The following DPY19L4 variants were observed in gnomAD, a reference collection of about 807,000 sequenced individuals.
The protein encoded by DPY19L4 is dpy-19 like 4.
In DPY19L4, 97 loss-of-function variants were observed where a neutral mutation model predicts 102.8. The observed-to-expected ratio is 0.94, with a 90% CI of 0.80 to 1.12. The LOEUF (loss-of-function observed/expected upper bound fraction) is 1.12, where lower values mean the gene tolerates loss of function less well. Ranked by LOEUF, DPY19L4 falls within the 50% of genes most tolerant of loss-of-function variation. The probability of loss-of-function intolerance (pLI) is 0.00; values close to 1 mark genes in which losing one functional copy is unlikely to be tolerated. For missense variants in DPY19L4, 815 were observed against 850.4 expected (o/e 0.96, Z 0.52); for synonymous variants, 252 against 283.1 (o/e 0.89, Z 1.10).
chr8:94,764,721 T>A (rs867039371), intron 8 of DPY19L4, among the ~76,000 whole-genome samples: 325 of 74,364 alleles, frequency 4.4e-3, no homozygotes, highest in African/African-American at 8.8e-3. Context: ...ATATATATTT[T>A]TTTTTTTTTT....
At chr8:94,789,689 C>T in intron 18 of DPY19L4, 57 bp from the exon 19 acceptor site, 1 of 1,407,762 alleles carries the variant, frequency 7.1e-7, no homozygotes, top group Non-Finnish European at 9.6e-7. Flanking sequence ...ATATTGATTG[C>T]ATTTCTGCTA....
chr8:94,733,817 C>G (rs1811075861), intron 2 of DPY19L4, among the ~76,000 whole-genome samples: 1 of 152,154 alleles, frequency 6.6e-6, no homozygotes, highest in Non-Finnish European at 1.5e-5. Context: ...GGCGGGATTA[C>G]AGACGTGAGC....
intron 17 of DPY19L4, among the ~76,000 whole-genome samples, chr8:94,784,515 A>G (rs575597459): frequency 1.3e-5 from 2 of 151,070 alleles, no homozygotes; most frequent in East Asian, 1.9e-4. Context: ...TGCAACCTCC[A>G]CCTCCCGGGT....
intron 6 of DPY19L4, among the ~76,000 whole-genome samples, chr8:94,742,612 G>T (rs1161373674): frequency 6.7e-6 from 1 of 148,882 alleles, no homozygotes; most frequent in African/African-American, 2.5e-5. Context: ...AGGCTGGAGT[G>T]CAGTGGCGCG....
intron 1 of DPY19L4, among the ~76,000 whole-genome samples, chr8:94,723,298 CCT>C (rs772250410): frequency 6.6e-6 from 1 of 152,098 alleles, no homozygotes; most frequent in Non-Finnish European, 1.5e-5. Context: ...TGATGAAACC[CCT>C]GTCTCTACTA....
At position 94,765,174 on chromosome 8, in the gene DPY19L4, T is replaced by G. The variant is rs202225856; in HGVS notation, c.871-9T>G. On this transcript the variant is annotated splice_polypyrimidine_tract_variant and intron_variant, in intron 8 of 18. Transcript: ENST00000414645. ...CTTATTCTCACTTATTTTATTTTTG[T>G]CACAACAGGTTTATGAAGTTTATAA... 1.9e-4 allele frequency: 267 copies of G among 1,436,838 alleles called. No homozygotes were observed. Among genetic ancestry groups the G allele is most frequent in the Non-Finnish European group, 2.4e-4 (255 of 1,046,958 alleles). The allele number at this position is 1,436,838 out of a possible 1,614,324, so 89.0% of individuals were successfully genotyped here. A position where few individuals can be genotyped will look rare whatever the true frequency, so the allele number is the denominator to read the frequency against.
At chr8:94,769,888 C>CT (rs368515503) in intron 12 of DPY19L4, among the ~76,000 whole-genome samples, 9,974 of 131,180 alleles carry the variant, frequency 0.076, 600 homozygotes, top group African/African-American at 0.16. Context: ...TTATTCTTTT[C>CT]TTTTTTTTTT....
At chr8:94,782,720 G>A (rs1281871790) in intron 16 of DPY19L4, among the ~76,000 whole-genome samples, 1 of 152,100 alleles carries the variant, frequency 6.6e-6, no homozygotes, top group Non-Finnish European at 1.5e-5. Context: ...TTATTATAAT[G>A]TCTTGTTACT....
At chr8:94,726,026 C>T (rs1810673548) in intron 1 of DPY19L4, among the ~76,000 whole-genome samples, 2 of 152,142 alleles carry the variant, frequency 1.3e-5, no homozygotes, top group African/African-American at 4.8e-5. Context: ...AACACCTTGA[C>T]CCCCAGTTTG....
chr8:94,730,321 A>G (rs1326626578), intron 2 of DPY19L4, among the ~76,000 whole-genome samples: 1 of 152,200 alleles, frequency 6.6e-6, no homozygotes, highest in East Asian at 1.9e-4. Context: ...TTGATTTTCA[A>G]ACTAAAATGG....
chr8:94,726,139 GGAAC>G (rs1810678670), intron 1 of DPY19L4, among the ~76,000 whole-genome samples, 188 bp from the exon 2 acceptor site: 1 of 152,134 alleles, frequency 6.6e-6, no homozygotes, highest in Non-Finnish European at 1.5e-5. Flanking sequence ...ATTGGGAAGT[GGAAC>G]TTAAATTGTC....
intron 13 of DPY19L4, among the ~76,000 whole-genome samples, chr8:94,774,150 G>A (rs1365067422): frequency 6.6e-6 from 1 of 151,470 alleles, no homozygotes; most frequent in Non-Finnish European, 1.5e-5. Context: ...CTCAAGCAGT[G>A]CTCCCACGAT....
chr8:94,793,311 C>T lies in DPY19L4; in HGVS notation c.*3401C>T, dbSNP rs1430946666. On this transcript the variant is annotated 3_prime_UTR_variant, in exon 19 of 19. Transcript: ENST00000414645. Reference sequence around the variant, plus strand: ...GAATAGCCATTGTATTGTTTTGTTTCTGATAAATCAGTTGTTTTGGGCCCC... The same window carrying T: ...GAATAGCCATTGTATTGTTTTGTTTTTGATAAATCAGTTGTTTTGGGCCCC... The T allele has an allele frequency of 6.6e-6, 1 of 152,116 alleles. No individual in the cohort carries two copies. The highest frequency in any genetic ancestry group is 1.9e-4 in the East Asian group (1 of 5,196). 9.4% of individuals were successfully genotyped at this position (152,116 alleles called of 1,614,324 possible).
intron 6 of DPY19L4, among the ~76,000 whole-genome samples, chr8:94,751,322 G>A (rs1465632661): frequency 6.6e-6 from 1 of 151,122 alleles, no homozygotes; most frequent in Non-Finnish European, 1.5e-5. Flanking sequence ...GTTACACTAT[G>A]TTGGCCAGGA....
chr8:94,774,979 C>T (rs936321856), intron 13 of DPY19L4, among the ~76,000 whole-genome samples: 3 of 152,074 alleles, frequency 2.0e-5, no homozygotes, highest in South Asian at 2.1e-4. Context: ...CTTAATGTCA[C>T]GTCATCAAAT....
At chr8:94,738,332 AAAT>A in intron 3 of DPY19L4, 34 bp from the exon 4 acceptor site, 4 of 1,304,934 alleles carry the variant, frequency 3.1e-6, no homozygotes, top group Non-Finnish European at 3.0e-6. Flanking sequence ...AAAAAAAAAA[AAAT>A]TAAATTTTAA....
intron 2 of DPY19L4, among the ~76,000 whole-genome samples, chr8:94,727,554 G>A (rs1179313545): frequency 6.6e-6 from 1 of 152,148 alleles, no homozygotes; most frequent in Non-Finnish European, 1.5e-5. Context: ...ATTTATTATA[G>A]CAAATAATAT....
At chr8:94,738,516 C>CT (rs368142148) in intron 4 of DPY19L4, 57 bp downstream of exon 4, 66,286 of 770,498 alleles carry the variant, frequency 0.086, no homozygotes, top group Non-Finnish European at 0.099. Context: ...CTTTTCTTTT[C>CT]TTTTTTTTTT....
chr8:94,736,837 C>G (rs925416538), intron 3 of DPY19L4, among the ~76,000 whole-genome samples: 1 of 152,144 alleles, frequency 6.6e-6, no homozygotes, highest in Non-Finnish European at 1.5e-5. Flanking sequence ...ATGACTTTCT[C>G]CTTAAACTTG....
Sources: gnomAD v4.1 joint callset for allele counts (sites outside exome capture counted in the v4.1 genomes callset) on GRCh38, gnomAD v4.1.1 for gene constraint, MANE v1.5 for transcripts, NCBI Gene and HGNC (gene_info 2026-07-23, HGNC 2026-07-21) for gene names.